Variants in ZNF562 observed in about 807,000 individuals in gnomAD.
The protein encoded by ZNF562 is zinc finger protein 562.
A neutral mutation model predicts 17.5 loss-of-function variants in ZNF562; 13 were observed. The ratio of observed to expected loss-of-function variants is 0.74; its 90% CI spans 0.48 to 1.18. The LOEUF (loss-of-function observed/expected upper bound fraction) is 1.18. ZNF562 is among the 50% of genes most tolerant of loss of function. The probability of loss-of-function intolerance (pLI) is 0.00; values close to 1 mark genes in which losing one functional copy is unlikely to be tolerated. For synonymous variants in ZNF562, 163 were observed against 165.4 expected (o/e 0.99, Z 0.11); for missense variants, 481 against 498.5 (o/e 0.96, Z 0.33).
chr19:9,648,790 A>G lies in ZNF562; in HGVS notation c.*4159T>C, dbSNP rs765751193. On this transcript the variant is annotated 3_prime_UTR_variant, in exon 6 of 6. Coordinates refer to ENST00000453372, the MANE Select transcript of ZNF562 (RefSeq NM_001130031.2). ...TAGGCATGCATCACCACATCATTTC[A>G]TTGAAGTATTTATTAGGTACCATCA... 1.3e-5 allele frequency: 2 copies of G among 151,672 alleles called. No individual in the cohort carries two copies. Among genetic ancestry groups the G allele is most frequent in the African/African-American group, 4.8e-5 (2 of 41,256 alleles). 9.4% of individuals were successfully genotyped at this position (151,672 alleles called of 1,614,324 possible). A position where few individuals can be genotyped will look rare whatever the true frequency, so the allele number is the denominator to read the frequency against.
intron 1 of ZNF562, among the ~76,000 whole-genome samples, chr19:9,663,425 A>AT (rs1491102087): frequency 6.9e-6 from 1 of 145,968 alleles, no homozygotes; most frequent in African/African-American, 2.6e-5. Context: ...AAAAAAAAAA[A>AT]GGAAAAAGAA....
rs189629628 is a variant in ZNF562, at chr19:9,648,827, C to A, written c.*4122G>T. On this transcript the variant is annotated 3_prime_UTR_variant, in exon 6 of 6. Coordinates refer to ENST00000453372, the MANE Select transcript of ZNF562 (RefSeq NM_001130031.2). ...ATTAGGTACCATCATGAGCTAGGTG[C>A]AGTTCTAGGTATTGAGTTTTATCAG... 6.6e-6 allele frequency: 1 copy of A among 152,078 alleles called. No individual in the cohort carries two copies. The highest frequency in any genetic ancestry group is 1.9e-4 in the East Asian group (1 of 5,186). The allele number at this position is 152,078 out of a possible 1,614,324, so 9.4% of individuals were successfully genotyped here. A position where few individuals can be genotyped will look rare whatever the true frequency, so the allele number is the denominator to read the frequency against.
At position 9,652,129 on chromosome 19, in the gene ZNF562, A is replaced by G. The variant is rs1376819719; in HGVS notation, c.*820T>C. On this transcript the variant is annotated 3_prime_UTR_variant, in exon 6 of 6. Coordinates refer to ENST00000453372, the MANE Select transcript of ZNF562 (RefSeq NM_001130031.2). The stretch of plus-strand genomic sequence containing the variant: ...GTGGGATTCATGGACTATATCAGCC[A>G]TCTTAACAGAAGTGAGAAGAGAGAC... 1 of 152,254 alleles carries G rather than the reference A, an allele frequency of 6.6e-6. No homozygotes were observed. Among genetic ancestry groups the G allele is most frequent in the Non-Finnish European group, 1.5e-5 (1 of 68,052 alleles). The allele number at this position is 152,254 out of a possible 1,614,324, so 9.4% of individuals were successfully genotyped here. A position where few individuals can be genotyped will look rare whatever the true frequency, so the allele number is the denominator to read the frequency against.
intron 1 of ZNF562, among the ~76,000 whole-genome samples, chr19:9,664,088 G>A (rs1220566048): frequency 1.3e-5 from 2 of 151,918 alleles, no homozygotes; most frequent in South Asian, 2.1e-4. Flanking sequence ...TGTTTTTTAA[G>A]ACAGAGTTTC....
At chr19:9,663,673 T>C (rs955416366) in intron 1 of ZNF562, among the ~76,000 whole-genome samples, 5 of 151,966 alleles carry the variant, frequency 3.3e-5, no homozygotes, top group Admixed American at 1.3e-4. Flanking sequence ...TTGTTCTTTT[T>C]TTTCTTTTTC....
chr19:9,651,965 G>T lies in ZNF562; in HGVS notation c.*984C>A, dbSNP rs544544394. 22 of 152,188 alleles carry T rather than the reference G, an allele frequency of 1.4e-4. No homozygotes were observed. The highest frequency in any genetic ancestry group is 5.3e-4 in the African/African-American group (22 of 41,450). 9.4% of individuals were successfully genotyped at this position (152,188 alleles called of 1,614,324 possible). On this transcript the variant is annotated 3_prime_UTR_variant, in exon 6 of 6. Coordinates refer to ENST00000453372, the MANE Select transcript of ZNF562 (RefSeq NM_001130031.2). ...GCAAAAGGAGACCTGAATTGCAGAAGAAATTGTTAAGGAAAAAGGAACCAG... is the reference window on the plus strand; with the variant it reads ...GCAAAAGGAGACCTGAATTGCAGAATAAATTGTTAAGGAAAAAGGAACCAG...
chr19:9,668,800 C>G (rs1051238814), intron 1 of ZNF562, among the ~76,000 whole-genome samples: 1 of 151,866 alleles, frequency 6.6e-6, no homozygotes, highest in Non-Finnish European at 1.5e-5. Flanking sequence ...GAACAAAGAA[C>G]CTAAATACAA....
chr19:9,669,841 C>A (rs187795137), intron 1 of ZNF562, among the ~76,000 whole-genome samples: 1 of 151,242 alleles, frequency 6.6e-6, no homozygotes, highest in African/African-American at 2.4e-5. Context: ...GCAGGCAGAT[C>A]ATTTGAGGTC....
Position 9,643,746 on chromosome 19 carries a change from T to C in ZNF562, c.*9203A>G, listed in dbSNP as rs1412235194. On this transcript the variant is annotated 3_prime_UTR_variant, in exon 6 of 6. Coordinates refer to ENST00000453372, the MANE Select transcript of ZNF562 (RefSeq NM_001130031.2). ...CGAACTCCTGAGCTCAAGTAATCCT[T>C]TTGCCTCCTTTCAAAGTGTTGAGAC... 6.6e-6 allele frequency: 1 copy of C among 152,072 alleles called. No individual in the cohort carries two copies. 9.4% of individuals were successfully genotyped at this position (152,072 alleles called of 1,614,324 possible).
chr19:9,663,240 T>C (rs1413024056), intron 1 of ZNF562, among the ~76,000 whole-genome samples: 1 of 110,920 alleles, frequency 9.0e-6, no homozygotes, highest in Non-Finnish European at 1.7e-5. Context: ...TCGTCTCTAC[T>C]AAAAATACAA....
rs3207332 is a variant in ZNF562 at position 9,658,066 on chromosome 19, G to C, written c.184C>G (p.Gln62Glu). 1.8e-3 allele frequency: 2,825 copies of C among 1,613,830 alleles called. 14 individuals carry two copies. The highest frequency in any genetic ancestry group is 2.9e-3 in the South Asian group (268 of 91,028). ...ATCACATCTCTGTAGAGGTATTTCTGAGTTGTGTCCAGTAAAGCCCACTCC... is the reference window on the plus strand; with the variant it reads ...ATCACATCTCTGTAGAGGTATTTCTCAGTTGTGTCCAGTAAAGCCCACTCC... ...PEEWALLDTT[Q>E]KYLYRDVMLE... The change falls in exon 4 of 6, where the codon CAG becomes GAG. Residue 62 changes from glutamine (Q) to glutamate (E), a missense_variant. Around this residue, in one of 2 missense-constraint regions of ZNF562, gnomAD observed 403 missense variants for 386.4 expected, o/e 1.04. Transcript: ENST00000453372.
intron 1 of ZNF562, chr19:9,674,616 T>C (rs576697213): frequency 5.9e-5 from 9 of 152,246 alleles, no homozygotes; most frequent in African/African-American, 1.9e-4. Context: ...GAAACCATTT[T>C]TCCGCCGTTG....
intron 5 of ZNF562, 151 bp from the exon 6 acceptor site, chr19:9,654,032 C>A: frequency 2.1e-6 from 2 of 974,274 alleles, no homozygotes; most frequent in Non-Finnish European, 2.8e-6. Flanking sequence ...GTTCTATCTC[C>A]CAGTCTACAG....
At chr19:9,663,740 G>A (rs576621600) in intron 1 of ZNF562, among the ~76,000 whole-genome samples, 27 of 151,546 alleles carry the variant, frequency 1.8e-4, no homozygotes, top group African/African-American at 5.8e-4. Context: ...GCAGTGGCGC[G>A]ATCTCGGCTC....
chr19:9,669,715 C>CGA (rs1568281539), intron 1 of ZNF562, among the ~76,000 whole-genome samples: 1 of 114,652 alleles, frequency 8.7e-6, no homozygotes, highest in East Asian at 2.8e-4. Flanking sequence ...TGCACGCGCG[C>CGA]GAGCGCGCGC....
chr19:9,655,149 C>T (rs1305190262), intron 5 of ZNF562, among the ~76,000 whole-genome samples: 1 of 151,830 alleles, frequency 6.6e-6, no homozygotes, highest in East Asian at 1.9e-4. Flanking sequence ...TGCCAACGTG[C>T]CCGGCTAATT....
chr19:9,658,227 A>G lies in ZNF562; in HGVS notation c.115-92T>C, dbSNP rs1308888016. 9.8e-5 allele frequency: 143 copies of G among 1,454,262 alleles called. 1 individual carries two copies. The highest frequency in any genetic ancestry group is 1.3e-4 in the Non-Finnish European group (143 of 1,094,266). The allele number at this position is 1,454,262 out of a possible 1,614,324, so 90.1% of individuals were successfully genotyped here. On this transcript the variant is annotated intron_variant, in intron 3 of 5. Transcript: ENST00000453372. ...GGAAAGGGGAACCTTATACTCACTT[A>G]TACGTGGTTCTCAAGTCTCCCATGA...
chr19:9,669,759 C>CAG, intron 1 of ZNF562, among the ~76,000 whole-genome samples: 1 of 151,354 alleles, frequency 6.6e-6, no homozygotes, highest in Admixed American at 6.6e-5. Flanking sequence ...CACACACACA[C>CAG]ACACACACAC....
Position 9,651,740 on chromosome 19 carries a change from T to C in ZNF562, c.*1209A>G, listed in dbSNP as rs746821220. On this transcript the variant is annotated 3_prime_UTR_variant, in exon 6 of 6. Coordinates refer to ENST00000453372, the MANE Select transcript of ZNF562 (RefSeq NM_001130031.2). ...CTTTCTTTCTCATAAGGAATACTTATAGCTGATCTACAATCTATAGGAATA... is the reference window on the plus strand; with the variant it reads ...CTTTCTTTCTCATAAGGAATACTTACAGCTGATCTACAATCTATAGGAATA... 6.6e-6 allele frequency: 1 copy of C among 152,240 alleles called. No homozygotes were observed. Among genetic ancestry groups the C allele is most frequent in the Non-Finnish European group, 1.5e-5 (1 of 68,042 alleles). 9.4% of individuals were successfully genotyped at this position (152,240 alleles called of 1,614,324 possible).
Sources: allele counts gnomAD v4.1 joint callset (sites outside exome capture counted in the v4.1 genomes callset), GRCh38; gene constraint gnomAD v4.1.1; regional missense constraint gnomAD v4.1.1; transcripts MANE v1.5; gene names NCBI Gene and HGNC (gene_info 2026-07-23, HGNC 2026-07-21).